PIK3CB: variants seen among roughly 807,000 people sequenced by gnomAD.
PIK3CB encodes phosphatidylinositol-4,5-bisphosphate 3-kinase catalytic subunit beta.
Under a neutral mutation model 136.8 loss-of-function variants are expected in PIK3CB, and 39 were observed. The observed-to-expected ratio is 0.29, with a 90% confidence interval of 0.22 to 0.37. The LOEUF is 0.37. Ranked by LOEUF, PIK3CB falls within the 10% of genes least tolerant of loss-of-function variation. The pLI is 1.00. For synonymous variants in PIK3CB, 428 were observed against 436.6 expected (o/e 0.98, Z 0.25); for missense variants, 868 against 1,275.4 (o/e 0.68, Z 4.87).
intron 1 of PIK3CB, among the ~76,000 whole-genome samples, chr3:138,817,121 G>A (rs1412775600): frequency 1.3e-5 from 2 of 151,612 alleles, no homozygotes; most frequent in Non-Finnish European, 2.9e-5. Flanking sequence ...GGCGGATCAC[G>A]AGGTCTGGAG....
At position 138,826,886 on chromosome 3, in the gene PIK3CB, T is replaced by G. The variant is rs535825030; in HGVS notation, c.-122+7809A>C. On this transcript the variant is annotated intron_variant, in intron 1 of 23. Transcript: ENST00000674063. ...GAGTTCGAGACCAGCCTGACTAACA[T>G]GGTAAAAACCCCGTCTCTACTAAAA... Among the ~76,000 whole-genome samples the G allele has an allele frequency of 9.3e-4, 142 of 151,920 alleles. 1 individual carries two copies. Among genetic ancestry groups the G allele is most frequent in the Middle Eastern group, 3.4e-3 (1 of 292 alleles).
intron 1 of PIK3CB, chr3:138,825,335 T>C (rs998498891): frequency 1.6e-5 from 8 of 509,116 alleles, no homozygotes; most frequent in Non-Finnish European, 2.5e-5. Context: ...TCTCCAAAAA[T>C]GGGCAGACCT....
At chr3:138,825,785 C>G in intron 1 of PIK3CB, 1 of 860,382 alleles carries the variant, frequency 1.2e-6, no homozygotes, top group Non-Finnish European at 1.9e-6. Context: ...GTCACCTTTG[C>G]TCCAGTCAAT....
chr3:138,709,294 T>TA (rs1156535854), intron 10 of PIK3CB, among the ~76,000 whole-genome samples: 248 of 143,716 alleles, frequency 1.7e-3, no homozygotes, highest in Non-Finnish European at 2.2e-3. Flanking sequence ...CAATTCTGCT[T>TA]AAAAAAAAAA....
chr3:138,694,635 T>G (rs551275599), intron 14 of PIK3CB, 151 bp downstream of exon 14: 32 of 733,206 alleles, frequency 4.4e-5, no homozygotes, highest in Middle Eastern at 4.3e-4. Flanking sequence ...AAACATTGAG[T>G]TGGGGAGCTG....
intron 12 of PIK3CB, among the ~76,000 whole-genome samples, chr3:138,701,407 T>C (rs1470232474): frequency 6.6e-6 from 1 of 152,134 alleles, no homozygotes; most frequent in African/African-American, 2.4e-5. Context: ...TGAATCAGTA[T>C]TATTTTCCTG....
At chr3:138,684,451 G>C (rs557497941) in intron 17 of PIK3CB, among the ~76,000 whole-genome samples, 174 bp downstream of exon 17, 2 of 152,278 alleles carry the variant, frequency 1.3e-5, no homozygotes, top group Non-Finnish European at 2.9e-5. Context: ...AAGTTTAGCT[G>C]ATAAGCATAC....
intron 2 of PIK3CB, among the ~76,000 whole-genome samples, chr3:138,767,350 C>A (rs1278030858): frequency 6.6e-6 from 1 of 152,134 alleles, no homozygotes; most frequent in East Asian, 1.9e-4. Flanking sequence ...AATCACTGTG[C>A]CAACAAGAAC....
At chr3:138,792,090 A>C (rs1181898280) in intron 2 of PIK3CB, among the ~76,000 whole-genome samples, 2 of 152,032 alleles carry the variant, frequency 1.3e-5, no homozygotes, top group Non-Finnish European at 2.9e-5. Context: ...AGCTACTCTG[A>C]AGGCTGAGGC....
intron 16 of PIK3CB, among the ~76,000 whole-genome samples, chr3:138,685,396 C>CAAAAAAAAAAAAAA (rs398052626): frequency 6.2e-4 from 36 of 58,342 alleles, no homozygotes; most frequent in African/African-American, 1.5e-3. Context: ...GAAACTGTCT[C>CAAAAAAAAAAAAAA]AAAAAAAAAA....
intron 4 of PIK3CB, among the ~76,000 whole-genome samples, chr3:138,751,457 C>CAAA (rs1215387870): frequency 8.0e-6 from 1 of 125,268 alleles, no homozygotes; most frequent in African/African-American, 2.9e-5. Context: ...GACTCCATCT[C>CAAA]AAAAAAAAAA....
rs1402057600 is a variant in PIK3CB, at chr3:138,718,512, ACG to A, written c.1051-3795_1051-3794del. 3.3e-5 allele frequency among the ~76,000 whole-genome samples: 5 copies of A among 152,072 alleles called. No individual in the cohort carries two copies. The East Asian group carries it at 9.6e-4, about 29-fold the overall frequency. Reference sequence around the variant, plus strand: ...GTTCTTTGGCTCTGCAGAAGCTCTTACGTTTAGTTAAATCCCACTTGTCAATT... The same window carrying A: ...GTTCTTTGGCTCTGCAGAAGCTCTTATTTAGTTAAATCCCACTTGTCAATT... On this transcript the variant is annotated intron_variant, in intron 8 of 23. Coordinates refer to ENST00000674063, the MANE Select transcript of PIK3CB (RefSeq NM_006219.3).
At chr3:138,769,086 T>TCCCA (rs1450980460) in intron 2 of PIK3CB, among the ~76,000 whole-genome samples, 1 of 151,944 alleles carries the variant, frequency 6.6e-6, no homozygotes, top group African/African-American at 2.4e-5. Context: ...CCTGGGAAGC[T>TCCCA]CCCACCCACT....
intron 2 of PIK3CB, among the ~76,000 whole-genome samples, chr3:138,775,778 T>C (rs1428959099): frequency 6.6e-6 from 1 of 152,238 alleles, no homozygotes; most frequent in Non-Finnish European, 1.5e-5. Context: ...CTGAAATCTT[T>C]ATCTGTTATG....
At chr3:138,720,954 C>T (rs1329046635) in intron 8 of PIK3CB, among the ~76,000 whole-genome samples, 1 of 152,100 alleles carries the variant, frequency 6.6e-6, no homozygotes, top group Non-Finnish European at 1.5e-5. Context: ...CCTTTTACTG[C>T]TCAAAATTTC....
At chr3:138,795,741 C>A (rs934519796) in intron 2 of PIK3CB, among the ~76,000 whole-genome samples, 1 of 152,176 alleles carries the variant, frequency 6.6e-6, no homozygotes, top group African/African-American at 2.4e-5. Flanking sequence ...ATGACTGCAG[C>A]TATATTACAT....
intron 2 of PIK3CB, among the ~76,000 whole-genome samples, chr3:138,791,991 C>T (rs1375990241): frequency 4.6e-5 from 7 of 152,120 alleles, no homozygotes; most frequent in Non-Finnish European, 8.8e-5. Flanking sequence ...TGTTCTATAT[C>T]GGTGGGTTCC....
chr3:138,784,448 T>C (rs926787792), intron 2 of PIK3CB, among the ~76,000 whole-genome samples: 18 of 151,774 alleles, frequency 1.2e-4, no homozygotes, highest in African/African-American at 4.4e-4. Context: ...CGTCTCCGTC[T>C]CCCACTTTGC....
chr3:138,739,666 C>T (rs1427556129), intron 5 of PIK3CB, among the ~76,000 whole-genome samples: 5 of 150,576 alleles, frequency 3.3e-5, no homozygotes, highest in African/African-American at 9.8e-5. Context: ...CTTGGGAGGC[C>T]GAGGCGGGCG....
Sources: gnomAD v4.1 joint callset for allele counts (sites outside exome capture counted in the v4.1 genomes callset) on GRCh38, gnomAD v4.1.1 for gene constraint, MANE v1.5 for transcripts, NCBI Gene and HGNC (gene_info 2026-07-23, HGNC 2026-07-21) for gene names.